Variants in SDCCAG8 observed in about 807,000 individuals in gnomAD.
SDCCAG8 encodes serologically defined colon cancer antigen 8.
SDCCAG8 carries 74 observed loss-of-function variants against 101.8 expected under a neutral mutation model. The observed-to-expected ratio is 0.73, with a 90% CI of 0.60 to 0.88. SDCCAG8 has a LOEUF of 0.88. Among genes scored for constraint, SDCCAG8 ranks in the 40% least tolerant of loss-of-function variants. The probability of loss-of-function intolerance (pLI) is 0.00; values close to 1 mark genes in which losing one functional copy is unlikely to be tolerated. For synonymous variants in SDCCAG8, 281 were observed against 292.9 expected, an observed-to-expected ratio of 0.96 and a Z score of 0.41; for missense variants, 787 against 822.6, an observed-to-expected ratio of 0.96 and a Z score of 0.53.
chr1:243,418,215 T>C (rs2080740992), intron 15 of SDCCAG8, 139 bp downstream of exon 15: 5 of 674,062 alleles, frequency 7.4e-6, no homozygotes, highest in Non-Finnish European at 1.3e-5. Context: ...GAAAATATTT[T>C]CTACATATGG....
intron 17 of SDCCAG8, among the ~76,000 whole-genome samples, chr1:243,496,523 G>A (rs529529026): frequency 1.3e-5 from 2 of 152,330 alleles, no homozygotes; most frequent in African/African-American, 2.4e-5. Context: ...CAGAGACAGC[G>A]TGCCAGTGAG....
intron 10 of SDCCAG8, among the ~76,000 whole-genome samples, chr1:243,331,834 C>A (rs1223848232): frequency 1.3e-5 from 2 of 152,076 alleles, no homozygotes; most frequent in Non-Finnish European, 2.9e-5. Flanking sequence ...ATGTTGTAGT[C>A]ACAGGAACGA....
chr1:243,386,936 T>G (rs1040807167), intron 13 of SDCCAG8, among the ~76,000 whole-genome samples: 1 of 152,252 alleles, frequency 6.6e-6, no homozygotes, highest in African/African-American at 2.4e-5. Flanking sequence ...GCCATTGTCA[T>G]TCTACTTTAC....
At chr1:243,321,774 G>A (rs1248880167) in intron 9 of SDCCAG8, among the ~76,000 whole-genome samples, 1 of 152,008 alleles carries the variant, frequency 6.6e-6, no homozygotes, top group Non-Finnish European at 1.5e-5. Context: ...TCAGCCTCCC[G>A]AGTAGCTGGG....
intron 3 of SDCCAG8, 60 bp from the exon 4 acceptor site, chr1:243,274,483 T>A: frequency 1.0e-6 from 1 of 978,840 alleles, no homozygotes; most frequent in Non-Finnish European, 1.6e-6. Context: ...CCAAACATGC[T>A]TAATTTGGCT....
chr1:243,298,450 C>T (rs183672512), intron 6 of SDCCAG8, among the ~76,000 whole-genome samples: 129 of 150,554 alleles, frequency 8.6e-4, no homozygotes, highest in African/African-American at 2.5e-3. Flanking sequence ...CTCCGCCTCC[C>T]GGGTTCAAGC....
At chr1:243,470,789 G>A (rs1410294088) in intron 16 of SDCCAG8, among the ~76,000 whole-genome samples, 1 of 152,136 alleles carries the variant, frequency 6.6e-6, no homozygotes, top group African/African-American at 2.4e-5. Context: ...GCATCACAAG[G>A]ATTCCCAGAG....
At position 243,455,407 on chromosome 1, in the gene SDCCAG8, T is replaced by A. The variant is rs943152860; in HGVS notation, c.1985+28849T>A. On this transcript the variant is annotated intron_variant, in intron 16 of 17. Coordinates refer to ENST00000366541, the MANE Select transcript of SDCCAG8 (RefSeq NM_006642.5). ...GCCTCAGCCTCCCAAGTAGCTGGGA[T>A]TACAGGTGTCGGCTACCATGCCCAA... is the stretch of plus-strand genomic sequence containing the variant. Among the ~76,000 whole-genome samples the A allele has an allele frequency of 4.6e-5, 7 of 152,254 alleles. No individual in the cohort carries two copies. In the East Asian group the frequency reaches 1.4e-3, roughly 29 times the overall value.
chr1:243,347,930 A>G (rs2075813874), intron 12 of SDCCAG8, among the ~76,000 whole-genome samples: 1 of 152,112 alleles, frequency 6.6e-6, no homozygotes, highest in Non-Finnish European at 1.5e-5. Context: ...AAGAAGTGAT[A>G]TTAAAAAGAA....
intron 11 of SDCCAG8, among the ~76,000 whole-genome samples, chr1:243,341,667 A>G (rs2075389006): frequency 6.6e-6 from 1 of 152,188 alleles, no homozygotes; most frequent in Non-Finnish European, 1.5e-5. Context: ...TAAAGATTCT[A>G]ATACTACATG....
At position 243,494,110 on chromosome 1, in the gene SDCCAG8, C is replaced by A. The variant is rs542078934; in HGVS notation, c.2112+4970C>A. ...TAAGACAGATGGCGCTTGAATAGAA[C>A]AGCAAATACATTGAATAAAATAAAT... On this transcript the variant is annotated intron_variant, in intron 17 of 17. Transcript: ENST00000366541. Among the ~76,000 whole-genome samples the A allele has an allele frequency of 8.5e-5, 13 of 152,284 alleles. No individual in the cohort carries two copies. The East Asian group carries it at 2.1e-3, about 25-fold the overall frequency.
chr1:243,403,128 C>T (rs534773565), intron 13 of SDCCAG8, among the ~76,000 whole-genome samples: 26 of 152,274 alleles, frequency 1.7e-4, no homozygotes, highest in African/African-American at 6.3e-4. Context: ...TGCCGGTTGC[C>T]TCATGTGGAG....
At chr1:243,482,962 G>A (rs1664045779) in intron 16 of SDCCAG8, among the ~76,000 whole-genome samples, 1 of 152,184 alleles carries the variant, frequency 6.6e-6, no homozygotes, top group Non-Finnish European at 1.5e-5. Context: ...CTTGCAGCGG[G>A]GGCTGCTGCC....
At chr1:243,399,081 T>C (rs2079204835) in intron 13 of SDCCAG8, among the ~76,000 whole-genome samples, 1 of 152,192 alleles carries the variant, frequency 6.6e-6, no homozygotes. Flanking sequence ...ATCTAGAAAA[T>C]AGTATATAAA....
intron 16 of SDCCAG8, among the ~76,000 whole-genome samples, chr1:243,428,979 G>T (rs1178435924): frequency 6.6e-6 from 1 of 152,172 alleles, no homozygotes; most frequent in African/African-American, 2.4e-5. Context: ...TGCAGCTCTT[G>T]TGTATTTTTC....
rs574237021 is a variant in SDCCAG8, at chr1:243,402,664, A to G, written c.1617-13038A>G. 1.2e-4 allele frequency among the ~76,000 whole-genome samples: 18 copies of G among 152,328 alleles called. No individual in the cohort carries two copies. In the South Asian group the frequency reaches 2.7e-3, roughly 23 times the overall value. On this transcript the variant is annotated intron_variant, in intron 13 of 17. Coordinates refer to ENST00000366541, the MANE Select transcript of SDCCAG8 (RefSeq NM_006642.5). ...CAGTGGCTGCCACTCCAGACGTCAC[A>G]GCCCTAGACGTTTGTTACTCAGTTT...
At chr1:243,495,291 C>T (rs543153486) in intron 17 of SDCCAG8, among the ~76,000 whole-genome samples, 58 of 152,334 alleles carry the variant, frequency 3.8e-4, no homozygotes, top group Admixed American at 1.5e-3. Flanking sequence ...TGCTGTCTTA[C>T]GGAACGTCCC....
intron 16 of SDCCAG8, among the ~76,000 whole-genome samples, chr1:243,429,714 T>TC (rs1244045118): frequency 1.7e-4 from 25 of 145,388 alleles, no homozygotes; most frequent in Non-Finnish European, 3.3e-4. Context: ...TTTTTTTTTT[T>TC]TTTTTGAGAC....
chr1:243,344,561 T>C (rs1235256617), intron 12 of SDCCAG8, among the ~76,000 whole-genome samples: 1 of 152,238 alleles, frequency 6.6e-6, no homozygotes, highest in Non-Finnish European at 1.5e-5. Flanking sequence ...TGACAGGTCA[T>C]AAATATACAT....
Sources: allele counts gnomAD v4.1 joint callset (sites outside exome capture counted in the v4.1 genomes callset), GRCh38; gene constraint gnomAD v4.1.1; transcripts MANE v1.5; gene names NCBI Gene and HGNC (gene_info 2026-07-23, HGNC 2026-07-21).